MGAT4C: variants seen among roughly 807,000 people sequenced by gnomAD.
MGAT4C encodes the protein MGAT4 family member C.
Under a neutral mutation model 40.1 loss-of-function variants are expected in MGAT4C, and 19 were observed. That is an observed-to-expected ratio of 0.47 (90% CI 0.33 to 0.70). The LOEUF (loss-of-function observed/expected upper bound fraction) is 0.70. MGAT4C is among the 30% of genes least tolerant of loss of function. The pLI, the probability that MGAT4C is intolerant of heterozygous loss-of-function variation, is 0.02. For missense variants in MGAT4C, 491 were observed against 563.2 expected, an observed-to-expected ratio of 0.87 and a Z score of 1.30; for synonymous variants, 181 against 187.1, an observed-to-expected ratio of 0.97 and a Z score of 0.27.
chr12:86,294,206 C>T (rs1566265466), intron 4 of MGAT4C, among the ~76,000 whole-genome samples: 1 of 152,062 alleles, frequency 6.6e-6, no homozygotes, highest in Non-Finnish European at 1.5e-5. Flanking sequence ...TAACTCGTGG[C>T]TAGTGAAATC....
intron 1 of MGAT4C, among the ~76,000 whole-genome samples, chr12:86,203,819 T>A (rs2135940003): frequency 6.6e-6 from 1 of 151,514 alleles, no homozygotes; most frequent in East Asian, 2.0e-4. Flanking sequence ...TAGCTGGGCG[T>A]GGTGGTGCAG....
chr12:86,497,893 A>AATAT (rs71078904), intron 2 of MGAT4C, among the ~76,000 whole-genome samples: 56,604 of 133,444 alleles, frequency 0.42, 12,620 homozygotes, highest in East Asian at 0.52. Flanking sequence ...GAAATTCCTA[A>AATAT]ATATATATAT....
At chr12:86,086,409 A>G (rs1871854867) in intron 1 of MGAT4C, among the ~76,000 whole-genome samples, 1 of 151,974 alleles carries the variant, frequency 6.6e-6, no homozygotes, top group African/African-American at 2.4e-5. Context: ...AAGGGGAGGA[A>G]TAGCATTAGG....
intron 2 of MGAT4C, among the ~76,000 whole-genome samples, chr12:86,439,605 G>C (rs1957193412): frequency 6.6e-6 from 1 of 151,970 alleles, no homozygotes; most frequent in Non-Finnish European, 1.5e-5. Context: ...AAAGCTAGCA[G>C]AAGATAAACA....
intron 2 of MGAT4C, among the ~76,000 whole-genome samples, chr12:85,995,098 C>CT (rs1032372803): frequency 6.6e-6 from 1 of 152,118 alleles, no homozygotes; most frequent in Non-Finnish European, 1.5e-5. Context: ...CAGTTGATGA[C>CT]TTTTTTTCTA....
chr12:86,245,600 G>T (rs996312422), intron 1 of MGAT4C, among the ~76,000 whole-genome samples: 1 of 152,084 alleles, frequency 6.6e-6, no homozygotes, highest in Non-Finnish European at 1.5e-5. Context: ...ATGTTTCCTA[G>T]GCATAGTATT....
At chr12:86,426,426 T>A (rs1236908427) in intron 3 of MGAT4C, among the ~76,000 whole-genome samples, 2 of 152,300 alleles carry the variant, frequency 1.3e-5, no homozygotes, top group African/African-American at 4.8e-5. Flanking sequence ...CACATTTATC[T>A]TAGTTATTTT....
At chr12:86,568,835 C>T (rs1221402790) in intron 2 of MGAT4C, among the ~76,000 whole-genome samples, 1 of 151,818 alleles carries the variant, frequency 6.6e-6, no homozygotes, top group Non-Finnish European at 1.5e-5. Context: ...GAGAAAGATG[C>T]CCTTTTCAAT....
At chr12:86,741,239 C>T (rs1317172539) in intron 1 of MGAT4C, among the ~76,000 whole-genome samples, 2 of 150,852 alleles carry the variant, frequency 1.3e-5, no homozygotes, top group African/African-American at 4.9e-5. Flanking sequence ...ACCTAAGGGC[C>T]CATCATTGGT....
At position 86,686,808 on chromosome 12, in the gene MGAT4C, T is replaced by C. The variant is rs189545319; in HGVS notation, c.-229+40401A>G. Among the ~76,000 whole-genome samples, 197 of 152,338 alleles carry C rather than the reference T, an allele frequency of 1.3e-3. 1 individual carries two copies. The highest frequency in any genetic ancestry group is 6.8e-3 in the Middle Eastern group (2 of 294). ...GGCCTGAATTTTTCTCTTTTTGTTATGTCTCTGCCAGGTTTTGGCATCATG... is the reference window on the plus strand; with the variant it reads ...GGCCTGAATTTTTCTCTTTTTGTTACGTCTCTGCCAGGTTTTGGCATCATG... On this transcript the variant is annotated intron_variant, in intron 2 of 7. Transcript: ENST00000548651.
chr12:86,637,355 T>C (rs1963250448), intron 2 of MGAT4C, among the ~76,000 whole-genome samples: 1 of 152,008 alleles, frequency 6.6e-6, no homozygotes, highest in Non-Finnish European at 1.5e-5. Context: ...TAGCTTGGTA[T>C]TCTAGGATTT....
intron 4 of MGAT4C, among the ~76,000 whole-genome samples, chr12:86,293,230 T>C (rs1953571229): frequency 6.6e-6 from 1 of 152,168 alleles, no homozygotes; most frequent in Non-Finnish European, 1.5e-5. Context: ...GGAGACAGTG[T>C]GTACATGGGG....
chr12:86,162,378 C>G (rs1410120445), intron 1 of MGAT4C, among the ~76,000 whole-genome samples: 2 of 152,046 alleles, frequency 1.3e-5, no homozygotes, highest in Admixed American at 1.3e-4. Flanking sequence ...CAATCTTAAG[C>G]AAATTAATGA....
chr12:86,556,931 AT>A (rs981048103), intron 2 of MGAT4C, among the ~76,000 whole-genome samples: 4 of 152,108 alleles, frequency 2.6e-5, no homozygotes, highest in Admixed American at 6.6e-5. Context: ...TTATTCGACT[AT>A]TTTTTTAAGA....
chr12:86,349,596 G>A (rs1955114201), intron 3 of MGAT4C, among the ~76,000 whole-genome samples: 1 of 152,098 alleles, frequency 6.6e-6, no homozygotes, highest in African/African-American at 2.4e-5. Flanking sequence ...CAACCAGCTA[G>A]GAACTCTGCT....
rs548411389 is a variant in MGAT4C, at chr12:86,339,215, G to A, written c.-119-5088C>T. On this transcript the variant is annotated intron_variant, in intron 3 of 7. Transcript: ENST00000548651. ...TGAAGGCACATGAATCCAAACCAGA[G>A]AGTCTGCCTCCAGAGTCTGTGCATT... Among the ~76,000 whole-genome samples, 3 of 152,188 alleles carry A rather than the reference G, an allele frequency of 2.0e-5. No homozygotes were observed. In the South Asian group the frequency reaches 6.2e-4, roughly 32 times the overall value.
chr12:86,738,450 A>G (rs907537878), intron 1 of MGAT4C, among the ~76,000 whole-genome samples: 3 of 151,390 alleles, frequency 2.0e-5, no homozygotes, highest in Admixed American at 6.6e-5. Context: ...TAGAATAAAT[A>G]TCTTCATACA....
chr12:86,460,548 T>C (rs1056137749), intron 2 of MGAT4C, among the ~76,000 whole-genome samples: 1 of 152,162 alleles, frequency 6.6e-6, no homozygotes, highest in Non-Finnish European at 1.5e-5. Context: ...TGTATGGCCT[T>C]TTTCTGAAAG....
chr12:86,442,646 G>C (rs527748456), intron 2 of MGAT4C, among the ~76,000 whole-genome samples: 2 of 151,954 alleles, frequency 1.3e-5, no homozygotes. Context: ...TCAAAGATCA[G>C]ATAGTTGTAG....
Sources: gnomAD v4.1 joint callset for allele counts (sites outside exome capture counted in the v4.1 genomes callset) on GRCh38, gnomAD v4.1.1 for gene constraint, MANE v1.5 for transcripts, NCBI Gene and HGNC (gene_info 2026-07-23, HGNC 2026-07-21) for gene names.